KATNAL1: variants seen among roughly 807,000 people sequenced by gnomAD.
KATNAL1 encodes the protein katanin p60 ATPase-containing subunit A-like 1.
In KATNAL1, 32 loss-of-function variants were observed where a neutral mutation model predicts 55.2. The observed-to-expected ratio is 0.58, with a 90% confidence interval of 0.44 to 0.78. The LOEUF (loss-of-function observed/expected upper bound fraction) is 0.78, where lower values mean the gene tolerates loss of function less well. Ranked by LOEUF, KATNAL1 falls within the 30% of genes least tolerant of loss-of-function variation. The pLI is 0.00. For synonymous variants in KATNAL1, 193 were observed against 193.6 expected (o/e 1.00, Z 0.02); for missense variants, 466 against 600.9 (o/e 0.78, Z 2.35).
chr13:30,265,752 T>C (rs1879718928), intron 3 of KATNAL1, among the ~76,000 whole-genome samples: 1 of 151,370 alleles, frequency 6.6e-6, no homozygotes. Flanking sequence ...GGCTCACACC[T>C]GTAATCCCAG....
At chr13:30,248,920 G>T (rs554626164) in intron 4 of KATNAL1, among the ~76,000 whole-genome samples, 1 of 152,180 alleles carries the variant, frequency 6.6e-6, no homozygotes, top group African/African-American at 2.4e-5. Flanking sequence ...TTAGCCGGGC[G>T]TGGTGGTGGG....
intron 3 of KATNAL1, among the ~76,000 whole-genome samples, chr13:30,258,185 A>G (rs1026983771): frequency 3.3e-5 from 5 of 152,240 alleles, no homozygotes; most frequent in African/African-American, 1.2e-4. Flanking sequence ...CAGGTGAAAG[A>G]CAAAAATATC....
intron 1 of KATNAL1, among the ~76,000 whole-genome samples, chr13:30,302,451 AC>A (rs1319018439): frequency 6.6e-6 from 1 of 152,064 alleles, no homozygotes; most frequent in East Asian, 1.9e-4. Flanking sequence ...GAAAAAAAAA[AC>A]AGTCACTACT....
At chr13:30,217,190 C>T (rs1417961178) in intron 9 of KATNAL1, among the ~76,000 whole-genome samples, 2 of 152,176 alleles carry the variant, frequency 1.3e-5, no homozygotes, top group African/African-American at 2.4e-5. Context: ...CGGCGGCTCA[C>T]GCCTGTAATC....
At position 30,269,844 on chromosome 13, in the gene KATNAL1, C is replaced by T. The variant is rs1193997321; in HGVS notation, c.323+10219G>A. 1.1e-4 allele frequency among the ~76,000 whole-genome samples: 16 copies of T among 151,828 alleles called. No homozygotes were observed. In the South Asian group the frequency reaches 3.3e-3, roughly 32 times the overall value. On this transcript the variant is annotated intron_variant, in intron 3 of 10. Coordinates refer to ENST00000380615, the MANE Select transcript of KATNAL1 (RefSeq NM_032116.5). ...GAGGAGCCCCTCCGCCCGGCAGCCA[C>T]CCCGTCTGGGAAGTGAGGAGCGTCT...
At chr13:30,262,639 G>A (rs1314715444) in intron 3 of KATNAL1, among the ~76,000 whole-genome samples, 3 of 151,716 alleles carry the variant, frequency 2.0e-5, no homozygotes, top group Non-Finnish European at 2.9e-5. Flanking sequence ...TAAATTCCTC[G>A]ACACATACAC....
intron 1 of KATNAL1, among the ~76,000 whole-genome samples, chr13:30,288,073 G>C (rs545090258): frequency 1.3e-5 from 2 of 152,100 alleles, no homozygotes. Flanking sequence ...CACTTAGTTG[G>C]GATTCAAAGT....
In KATNAL1 at chr13:30,206,806, T is replaced by C. The variant is rs532513744; in HGVS notation, c.*1734A>G. ...GCAATAGTTTGCAAAATAATCGTAA[T>C]GAAACTACTTATTTCTTTATTTTAA... On this transcript the variant is annotated 3_prime_UTR_variant, in exon 11 of 11. Coordinates refer to ENST00000380615, the MANE Select transcript of KATNAL1 (RefSeq NM_032116.5). The C allele has an allele frequency of 6.6e-5, 10 of 152,248 alleles. No individual in the cohort carries two copies. The highest frequency in any genetic ancestry group is 2.4e-4 in the African/African-American group (10 of 41,560). 9.4% of individuals were successfully genotyped at this position (152,248 alleles called of 1,614,324 possible). A position where few individuals can be genotyped will look rare whatever the true frequency, so the allele number is the denominator to read the frequency against.
chr13:30,265,181 C>T (rs964147663), intron 3 of KATNAL1, among the ~76,000 whole-genome samples: 1 of 147,556 alleles, frequency 6.8e-6, no homozygotes, highest in African/African-American at 2.5e-5. Context: ...AATGAGAACA[C>T]ATGGACACAG....
chr13:30,266,420 CCTTA>C (rs774122564), intron 3 of KATNAL1, among the ~76,000 whole-genome samples: 5 of 152,066 alleles, frequency 3.3e-5, no homozygotes, highest in Non-Finnish European at 7.4e-5. Flanking sequence ...TTAGTTCTTG[CCTTA>C]CTTAGTAAAG....
At position 30,220,586 on chromosome 13, in the gene KATNAL1, T is replaced by C. The variant is rs530961116; in HGVS notation, c.1147+6826A>G. Among the ~76,000 whole-genome samples the C allele has an allele frequency of 4.7e-4, 71 of 152,356 alleles. No individual in the cohort carries two copies. The South Asian group carries it at 7.5e-3, about 16-fold the overall frequency. On this transcript the variant is annotated intron_variant, in intron 9 of 10. Coordinates refer to ENST00000380615, the MANE Select transcript of KATNAL1 (RefSeq NM_032116.5). ...TATGAGCCAGGTATTAAGGAGTTAA[T>C]TCTCAGAGTTGCAATATTCCAGCAT...
chr13:30,238,572 T>A (rs530721003), intron 6 of KATNAL1, among the ~76,000 whole-genome samples: 5 of 152,192 alleles, frequency 3.3e-5, no homozygotes, highest in Non-Finnish European at 7.3e-5. Context: ...TCCTCCAACA[T>A]AGCGAAATCC....
chr13:30,257,568 G>C (rs557192070), intron 3 of KATNAL1, among the ~76,000 whole-genome samples: 2 of 151,702 alleles, frequency 1.3e-5, no homozygotes, highest in East Asian at 3.9e-4. Context: ...TGCCTCCTCA[G>C]CTTGCGCTTT....
At chr13:30,240,903 C>A (rs1319250375) in intron 5 of KATNAL1, 56 bp downstream of exon 5, 27 of 1,512,622 alleles carry the variant, frequency 1.8e-5, no homozygotes, top group East Asian at 2.3e-5. Flanking sequence ...CACACCAAGA[C>A]AACCTATAAT....
At chr13:30,223,489 A>G (rs1875133685) in intron 9 of KATNAL1, among the ~76,000 whole-genome samples, 1 of 149,134 alleles carries the variant, frequency 6.7e-6, no homozygotes, top group Non-Finnish European at 1.5e-5. Flanking sequence ...ATATAAAGAC[A>G]GGGTAGGGTA....
chr13:30,223,354 A>C (rs1461317374), intron 9 of KATNAL1, among the ~76,000 whole-genome samples: 1 of 147,400 alleles, frequency 6.8e-6, no homozygotes, highest in African/African-American at 2.5e-5. Context: ...AGGCAGGAGA[A>C]TGGTGTGAAC....
At chr13:30,252,746 CTTT>C (rs1159261874) in intron 4 of KATNAL1, among the ~76,000 whole-genome samples, 2 of 143,878 alleles carry the variant, frequency 1.4e-5, no homozygotes, top group African/African-American at 2.5e-5. Context: ...ATTTTCCTTT[CTTT>C]TTTTTTTTTT....
chr13:30,290,784 G>C (rs1271435515), intron 1 of KATNAL1, among the ~76,000 whole-genome samples: 1 of 152,040 alleles, frequency 6.6e-6, no homozygotes, highest in African/African-American at 2.4e-5. Context: ...ACCCAGTGAC[G>C]TTTTCCCCAA....
rs1465522944 is a variant in KATNAL1 at position 30,203,513 on chromosome 13, T to A, written c.*5027A>T. 6.6e-6 allele frequency: 1 copy of A among 152,176 alleles called. No individual in the cohort carries two copies. Among genetic ancestry groups the A allele is most frequent in the Non-Finnish European group, 1.5e-5 (1 of 68,036 alleles). 9.4% of individuals were successfully genotyped at this position (152,176 alleles called of 1,614,324 possible). A position where few individuals can be genotyped will look rare whatever the true frequency, so the allele number is the denominator to read the frequency against. Reference sequence around the variant, plus strand: ...GTTTCGAACAATCAAATGGGAGTCCTTTTATAAGAGGGAAACTTCTCTATA... The same window carrying A: ...GTTTCGAACAATCAAATGGGAGTCCATTTATAAGAGGGAAACTTCTCTATA... On this transcript the variant is annotated 3_prime_UTR_variant, in exon 11 of 11. Transcript: ENST00000380615.
Sources: gnomAD v4.1 joint callset for allele counts (sites outside exome capture counted in the v4.1 genomes callset) on GRCh38, gnomAD v4.1.1 for gene constraint, MANE v1.5 for transcripts, NCBI Gene and HGNC (gene_info 2026-07-23, HGNC 2026-07-21) for gene names.